SKAP2: variants seen among roughly 807,000 people sequenced by gnomAD.
The protein encoded by SKAP2 is src kinase associated phosphoprotein 2, also known as src kinase-associated phosphoprotein 2.
A neutral mutation model predicts 54.9 loss-of-function variants in SKAP2; 28 were observed. The observed-to-expected ratio is 0.51, with a 90% CI of 0.38 to 0.70. SKAP2 has a LOEUF of 0.70. Ranked by LOEUF, SKAP2 falls within the 30% of genes least tolerant of loss-of-function variation. The pLI is 0.00. For missense variants in SKAP2, 356 were observed against 424.1 expected (o/e 0.84, Z 1.41); for synonymous variants, 137 against 134.3 (o/e 1.02, Z -0.14).
chr7:26,809,139 C>A (rs371592016), intron 4 of SKAP2, among the ~76,000 whole-genome samples: 1 of 152,104 alleles, frequency 6.6e-6, no homozygotes, highest in African/African-American at 2.4e-5. Context: ...TCTGGCCGGG[C>A]GCGGTGGCTC....
At chr7:26,738,974 G>A in intron 5 of SKAP2, 96 bp from the exon 6 acceptor site, 1 of 759,306 alleles carries the variant, frequency 1.3e-6, no homozygotes, top group South Asian at 1.5e-5. Context: ...CTCTAACATT[G>A]TGTGACTAAT....
chr7:26,676,966 G>A (rs1409423295), intron 11 of SKAP2, among the ~76,000 whole-genome samples: 2 of 152,220 alleles, frequency 1.3e-5, no homozygotes, highest in African/African-American at 4.8e-5. Flanking sequence ...GTAAGTAGTT[G>A]AGAGTGTGGT....
chr7:26,716,133 C>G (rs960267719), intron 9 of SKAP2, among the ~76,000 whole-genome samples: 2 of 152,126 alleles, frequency 1.3e-5, no homozygotes, highest in African/African-American at 4.8e-5. Flanking sequence ...TGCAATGTTA[C>G]TTTATATCTT....
downstream of SKAP2, among the ~76,000 whole-genome samples, chr7:26,662,348 A>C (rs1033452728): frequency 6.6e-6 from 1 of 152,144 alleles, no homozygotes; most frequent in African/African-American, 2.4e-5. Context: ...TACATACATA[A>C]GGAAAGATTC....
chr7:26,655,721 T>G, the SKAP2 span, among the ~76,000 whole-genome samples: 1 of 152,242 alleles, frequency 6.6e-6, no homozygotes, highest in Non-Finnish European at 1.5e-5. Context: ...AAATAATGAC[T>G]GTCTACCTAT....
intron 4 of SKAP2, among the ~76,000 whole-genome samples, chr7:26,802,581 CTT>C (rs1457200268): frequency 6.6e-6 from 1 of 152,088 alleles, no homozygotes; most frequent in Non-Finnish European, 1.5e-5. Context: ...AAGACAGTCT[CTT>C]TAATAAATGC....
At chr7:26,796,811 C>A (rs902333080) in intron 4 of SKAP2, among the ~76,000 whole-genome samples, 3 of 152,148 alleles carry the variant, frequency 2.0e-5, no homozygotes, top group African/African-American at 7.2e-5. Context: ...TTATGGTCAA[C>A]AACAGGCTAT....
chr7:26,655,542 C>G, the SKAP2 span, among the ~76,000 whole-genome samples: 2 of 152,130 alleles, frequency 1.3e-5, no homozygotes. Flanking sequence ...GAGTCCTACA[C>G]TGAATTTGGA....
At chr7:26,781,988 G>A (rs921346228) in intron 4 of SKAP2, among the ~76,000 whole-genome samples, 2 of 152,276 alleles carry the variant, frequency 1.3e-5, no homozygotes, top group East Asian at 1.9e-4. Flanking sequence ...TTTATAGGAT[G>A]AGCTTATTAG....
At chr7:26,672,834 TAA>T (rs1488934592) in intron 11 of SKAP2, among the ~76,000 whole-genome samples, 7 of 151,998 alleles carry the variant, frequency 4.6e-5, no homozygotes, top group Admixed American at 4.6e-4. Flanking sequence ...TTGCAGCCTA[TAA>T]ATTGGAATGA....
chr7:26,727,168 C>G (rs536584998), intron 6 of SKAP2, among the ~76,000 whole-genome samples, 162 bp from the exon 7 acceptor site: 5 of 152,080 alleles, frequency 3.3e-5, no homozygotes, highest in Admixed American at 6.6e-5. Context: ...ATTTTTAATT[C>G]TGAAACATGG....
At chr7:26,682,787 T>C (rs1786532388) in intron 11 of SKAP2, among the ~76,000 whole-genome samples, 1 of 152,184 alleles carries the variant, frequency 6.6e-6, no homozygotes, top group Admixed American at 6.5e-5. Context: ...GCTTCACAAA[T>C]AAAATTAGTC....
chr7:26,839,486 T>C (rs1784777499), intron 4 of SKAP2, among the ~76,000 whole-genome samples: 1 of 152,104 alleles, frequency 6.6e-6, no homozygotes, highest in Non-Finnish European at 1.5e-5. Context: ...TGCAAAAATA[T>C]GTGCAAATTG....
At chr7:26,839,865 G>C (rs1002919114) in intron 4 of SKAP2, among the ~76,000 whole-genome samples, 1 of 151,980 alleles carries the variant, frequency 6.6e-6, no homozygotes, top group Non-Finnish European at 1.5e-5. Flanking sequence ...CACTTTCTAA[G>C]AGCTAATTAT....
rs573285203 is a variant in SKAP2, at chr7:26,752,404, G to C, written c.308-12440C>G. Among the ~76,000 whole-genome samples, 8 of 152,198 alleles carry C rather than the reference G, an allele frequency of 5.3e-5. No homozygotes were observed. The East Asian group carries it at 1.4e-3, about 26-fold the overall frequency. On this transcript the variant is annotated intron_variant, in intron 4 of 12. Coordinates refer to ENST00000345317, the MANE Select transcript of SKAP2 (RefSeq NM_003930.5). ...TAACATCATTCATATTGAGCCAAAA[G>C]CTTAATGCCAAAGTGAAATTCAGTA...
intron 6 of SKAP2, among the ~76,000 whole-genome samples, chr7:26,735,716 G>T (rs1787916518): frequency 6.6e-6 from 1 of 152,002 alleles, no homozygotes. Context: ...TTAGGTAAAT[G>T]GTTCACACAT....
intron 4 of SKAP2, among the ~76,000 whole-genome samples, chr7:26,779,368 C>T (rs528689036): frequency 6.6e-6 from 1 of 152,036 alleles, no homozygotes; most frequent in South Asian, 2.1e-4. Context: ...GGAAATAATT[C>T]CATTCATTTT....
At chr7:26,829,058 T>A (rs1034345789) in intron 4 of SKAP2, among the ~76,000 whole-genome samples, 3 of 151,900 alleles carry the variant, frequency 2.0e-5, no homozygotes, top group African/African-American at 7.3e-5. Flanking sequence ...GTACAAGTAA[T>A]AAAAGAAAAC....
intron 9 of SKAP2, among the ~76,000 whole-genome samples, chr7:26,713,601 GTT>G (rs578147464): frequency 6.9e-6 from 1 of 145,980 alleles, no homozygotes; most frequent in African/African-American, 2.5e-5. Flanking sequence ...GTTCTTTTTT[GTT>G]TTTTTTTTTG....
Sources: allele counts gnomAD v4.1 joint callset (sites outside exome capture counted in the v4.1 genomes callset), GRCh38; gene constraint gnomAD v4.1.1; transcripts MANE v1.5; gene names NCBI Gene and HGNC (gene_info 2026-07-23, HGNC 2026-07-21).